SH3GL3: variants seen among roughly 807,000 people sequenced by gnomAD.
SH3GL3 encodes SH3 domain containing GRB2 like 3, endophilin A3.
A neutral mutation model predicts 47.7 loss-of-function variants in SH3GL3; 33 were observed. The ratio of observed to expected loss-of-function variants is 0.69; its 90% confidence interval spans 0.52 to 0.92. The LOEUF (loss-of-function observed/expected upper bound fraction) is 0.92. Among genes scored for constraint, SH3GL3 ranks in the 40% least tolerant of loss-of-function variants. The pLI, the probability that SH3GL3 is intolerant of heterozygous loss-of-function variation, is 0.00. For missense variants in SH3GL3, 363 were observed against 417.8 expected, an observed-to-expected ratio of 0.87 and a Z score of 1.14; for synonymous variants, 155 against 148.8, an observed-to-expected ratio of 1.04 and a Z score of -0.30.
the SH3GL3 span, among the ~76,000 whole-genome samples, chr15:83,626,634 C>T: frequency 6.6e-6 from 1 of 152,144 alleles, no homozygotes; most frequent in Non-Finnish European, 1.5e-5. Flanking sequence ...TAAATGTTAA[C>T]GACTGGCATG....
intron 6 of SH3GL3, among the ~76,000 whole-genome samples, chr15:83,579,475 G>A (rs918265974): frequency 1.3e-5 from 2 of 152,332 alleles, no homozygotes; most frequent in Middle Eastern, 3.4e-3. Flanking sequence ...GGGCCGCCCA[G>A]GCTGCCCGGG....
chr15:83,574,077 G>A (rs1197684854), intron 5 of SH3GL3, among the ~76,000 whole-genome samples: 1 of 152,192 alleles, frequency 6.6e-6, no homozygotes, highest in African/African-American at 2.4e-5. Flanking sequence ...AGAGGGCCAG[G>A]GCTGTGAGAG....
chr15:83,519,686 C>T (rs906255933), intron 1 of SH3GL3, among the ~76,000 whole-genome samples: 1 of 152,152 alleles, frequency 6.6e-6, no homozygotes, highest in African/African-American at 2.4e-5. Flanking sequence ...CTGGCTAGGA[C>T]TTCCTCTTCC....
At chr15:83,490,876 A>G in intron 1 of SH3GL3, 1 of 1,614,216 alleles carries the variant, frequency 6.2e-7, no homozygotes, top group Non-Finnish European at 8.5e-7. Context: ...TCAAGCTAAT[A>G]GGTGCCTTAC....
intron 8 of SH3GL3, chr15:83,611,533 G>A (rs990378766): frequency 2.6e-5 from 4 of 152,032 alleles, no homozygotes; most frequent in East Asian, 3.9e-4. Context: ...CAAGGACACC[G>A]AGATCCACAG....
chr15:83,461,429 C>G (rs2040294944), intron 1 of SH3GL3, among the ~76,000 whole-genome samples: 1 of 152,028 alleles, frequency 6.6e-6, no homozygotes, highest in South Asian at 2.1e-4. Context: ...ATTTTTATGA[C>G]TTTTATTTAA....
chr15:83,547,383 A>G (rs2044453669), intron 1 of SH3GL3, among the ~76,000 whole-genome samples: 2 of 152,204 alleles, frequency 1.3e-5, no homozygotes, highest in Admixed American at 6.5e-5. Flanking sequence ...TCCCCAAATT[A>G]CTTTGCCCTT....
intron 8 of SH3GL3, among the ~76,000 whole-genome samples, chr15:83,607,552 CT>C (rs1160883371): frequency 6.6e-6 from 1 of 152,178 alleles, no homozygotes; most frequent in Non-Finnish European, 1.5e-5. Context: ...CTAGAAAACA[CT>C]TGTTCTTTCT....
At chr15:83,579,882 A>C (rs1300604028) in intron 6 of SH3GL3, among the ~76,000 whole-genome samples, 1 of 152,134 alleles carries the variant, frequency 6.6e-6, no homozygotes, top group Admixed American at 6.5e-5. Flanking sequence ...AGGTGGTCTG[A>C]CCATCCTCTC....
At chr15:83,597,851 G>A (rs1253869762) in intron 8 of SH3GL3, among the ~76,000 whole-genome samples, 1 of 152,090 alleles carries the variant, frequency 6.6e-6, no homozygotes, top group Non-Finnish European at 1.5e-5. Flanking sequence ...CTCGTGATCT[G>A]CCCAACTCGG....
the SH3GL3 span, among the ~76,000 whole-genome samples, chr15:83,627,413 A>AAT: frequency 1.3e-5 from 2 of 151,590 alleles, no homozygotes; most frequent in African/African-American, 4.8e-5. Context: ...AAAAAAAAAA[A>AAT]GAAAAGAAAA....
intron 1 of SH3GL3, among the ~76,000 whole-genome samples, chr15:83,476,733 G>A (rs2041116486): frequency 6.6e-6 from 1 of 152,208 alleles, no homozygotes; most frequent in East Asian, 1.9e-4. Context: ...GTATTACAAG[G>A]GCAGAGTTGA....
At chr15:83,629,505 C>G in the SH3GL3 span, among the ~76,000 whole-genome samples, 1 of 152,144 alleles carries the variant, frequency 6.6e-6, no homozygotes, top group Non-Finnish European at 1.5e-5. Context: ...TTACTTCACA[C>G]CATACATAAA....
intron 1 of SH3GL3, among the ~76,000 whole-genome samples, chr15:83,518,766 T>C (rs2043092218): frequency 6.6e-6 from 1 of 152,196 alleles, no homozygotes; most frequent in Admixed American, 6.5e-5. Flanking sequence ...GCTCAAGTTT[T>C]TGTTTTTGTT....
At chr15:83,541,243 A>G (rs1343461941) in intron 1 of SH3GL3, among the ~76,000 whole-genome samples, 1 of 147,628 alleles carries the variant, frequency 6.8e-6, no homozygotes, top group African/African-American at 2.5e-5. Flanking sequence ...GGCAGCAGAT[A>G]TCTCTTTGAT....
intron 1 of SH3GL3, among the ~76,000 whole-genome samples, chr15:83,513,359 T>A (rs2042846821): frequency 6.6e-6 from 1 of 152,176 alleles, no homozygotes; most frequent in Non-Finnish European, 1.5e-5. Flanking sequence ...GTCAAGAGGT[T>A]TCATGATCTT....
chr15:83,630,082 C>A, the SH3GL3 span, among the ~76,000 whole-genome samples: 2 of 152,262 alleles, frequency 1.3e-5, no homozygotes, highest in African/African-American at 4.8e-5. Flanking sequence ...AAAAGAAGTT[C>A]CCCTGCACAT....
intron 5 of SH3GL3, among the ~76,000 whole-genome samples, 187 bp downstream of exon 5, chr15:83,572,885 C>T (rs992207202): frequency 1.3e-5 from 2 of 151,720 alleles, no homozygotes; most frequent in African/African-American, 4.8e-5. Context: ...TCCTATCTGC[C>T]CTGGAGATGA....
At chr15:83,463,969 C>T (rs2040441047) in intron 1 of SH3GL3, among the ~76,000 whole-genome samples, 1 of 152,024 alleles carries the variant, frequency 6.6e-6, no homozygotes, top group South Asian at 2.1e-4. Context: ...ACCATGTTGG[C>T]CAGGCTGGTC....
Sources: allele counts gnomAD v4.1 joint callset (sites outside exome capture counted in the v4.1 genomes callset), GRCh38; gene constraint gnomAD v4.1.1; transcripts MANE v1.5; gene names NCBI Gene and HGNC (gene_info 2026-07-23, HGNC 2026-07-21).